The following RBFOX1 variants were observed in gnomAD, a reference collection of about 807,000 sequenced individuals.
The protein encoded by RBFOX1 is RNA binding protein fox-1 homolog 1.
A neutral mutation model predicts 57.7 loss-of-function variants in RBFOX1; 8 were observed. That is an observed-to-expected ratio of 0.14 (90% CI 0.08 to 0.25). RBFOX1 has a LOEUF of 0.25. RBFOX1 is among the 10% of genes least tolerant of loss of function. The pLI is 1.00. For missense variants in RBFOX1, 611 were observed against 548.5 expected (o/e 1.11, Z -1.14); for synonymous variants, 326 against 222.4 (o/e 1.47, Z -4.15).
At chr16:6,681,135 A>AC (rs778314159) in intron 3 of RBFOX1, among the ~76,000 whole-genome samples, 39 of 151,792 alleles carry the variant, frequency 2.6e-4, no homozygotes, top group African/African-American at 4.8e-4. Context: ...ACATGGTGAG[A>AC]CCCCCATCTC....
intron 3 of RBFOX1, among the ~76,000 whole-genome samples, chr16:6,858,557 C>A (rs1033256423): frequency 6.6e-6 from 1 of 152,154 alleles, no homozygotes; most frequent in Admixed American, 6.5e-5. Flanking sequence ...CGTACGGTTA[C>A]AGCTCAATTA....
chr16:7,630,869 C>G (rs1034429694), intron 11 of RBFOX1, among the ~76,000 whole-genome samples, 186 bp downstream of exon 11: 1 of 152,102 alleles, frequency 6.6e-6, no homozygotes, highest in African/African-American at 2.4e-5. Flanking sequence ...TGGACATTCT[C>G]TGTTAGATCC....
rs1170936027 is a variant in RBFOX1 at position 7,062,893 on chromosome 16, A to ATTTT, written c.27+10827_27+10830dup. On this transcript the variant is annotated intron_variant, in intron 4 of 15. Coordinates refer to ENST00000550418, the MANE Select transcript of RBFOX1 (RefSeq NM_018723.4). Reference sequence around the variant, plus strand: ...ACCTCATCTCATTCAAATGATCGCCATTTTTTTTTTTTTTTTTTTTTTTTT... The same window carrying ATTTT: ...ACCTCATCTCATTCAAATGATCGCCATTTTTTTTTTTTTTTTTTTTTTTTTTTTT... Among the ~76,000 whole-genome samples, 117 of 47,180 alleles carry ATTTT rather than the reference A, an allele frequency of 2.5e-3. 8 individuals are homozygous for ATTTT. Among genetic ancestry groups the ATTTT allele is most frequent in the African/African-American group, 3.9e-3 (42 of 10,890 alleles). The allele number at this position is 47,180 out of a possible 152,430, so 31.0% of individuals were successfully genotyped here. A position where few individuals can be genotyped will look rare whatever the true frequency, so the allele number is the denominator to read the frequency against.
intron 3 of RBFOX1, among the ~76,000 whole-genome samples, chr16:6,895,322 A>T (rs540561100): frequency 2.0e-5 from 3 of 151,300 alleles, no homozygotes; most frequent in Non-Finnish European, 4.4e-5. Context: ...GGTTCCATTC[A>T]TGATGATTTA....
intron 3 of RBFOX1, among the ~76,000 whole-genome samples, chr16:6,878,078 G>T (rs1189583611): frequency 6.6e-6 from 1 of 152,164 alleles, no homozygotes; most frequent in Non-Finnish European, 1.5e-5. Flanking sequence ...ACAGATAGAA[G>T]AGAGAATGGC....
chr16:7,540,953 C>A (rs2082755142), intron 5 of RBFOX1, among the ~76,000 whole-genome samples: 1 of 152,130 alleles, frequency 6.6e-6, no homozygotes, highest in Admixed American at 6.5e-5. Flanking sequence ...AGTTTGATGA[C>A]CCTGGTTAAT....
At position 7,044,756 on chromosome 16, in the gene RBFOX1, A is replaced by G. The variant is rs1050577567; in HGVS notation, c.-15-7301A>G. ...TGAAATGACATTTGATAAAGTGTAC[A>G]TTTAAGATATTTTTCAAGGCTAGCT... On this transcript the variant is annotated intron_variant, in intron 3 of 15. Transcript: ENST00000550418. Among the ~76,000 whole-genome samples, 11 of 152,210 alleles carry G rather than the reference A, an allele frequency of 7.2e-5. 1 individual carries two copies. Among genetic ancestry groups the G allele is most frequent in the Admixed American group, 7.2e-4 (11 of 15,280 alleles).
At chr16:5,562,578 C>T (rs2045928596) in intron 2 of RBFOX1, among the ~76,000 whole-genome samples, 1 of 152,108 alleles carries the variant, frequency 6.6e-6, no homozygotes, top group Non-Finnish European at 1.5e-5. Flanking sequence ...TATGGCAGAA[C>T]TGGCCTCAGT....
chr16:6,687,805 A>G (rs1475503315), intron 3 of RBFOX1, among the ~76,000 whole-genome samples: 5 of 152,224 alleles, frequency 3.3e-5, no homozygotes, highest in African/African-American at 9.6e-5. Flanking sequence ...CCTATTGGCT[A>G]GAACAAGTCA....
At chr16:7,288,650 G>C (rs1390165693) in intron 4 of RBFOX1, among the ~76,000 whole-genome samples, 2 of 152,146 alleles carry the variant, frequency 1.3e-5, no homozygotes, top group Non-Finnish European at 2.9e-5. Flanking sequence ...AGACCAGCCT[G>C]GCCAACATGG....
At chr16:6,839,958 C>A (rs1250997725) in intron 3 of RBFOX1, among the ~76,000 whole-genome samples, 1 of 152,132 alleles carries the variant, frequency 6.6e-6, no homozygotes, top group African/African-American at 2.4e-5. Flanking sequence ...GCCTGTTTTC[C>A]TGTTTTCTTT....
intron 4 of RBFOX1, among the ~76,000 whole-genome samples, chr16:7,384,294 G>A (rs1281388545): frequency 6.6e-6 from 1 of 151,932 alleles, no homozygotes; most frequent in Non-Finnish European, 1.5e-5. Context: ...TGAAAAGCAG[G>A]GAAAAGGGGA....
intron 2 of RBFOX1, among the ~76,000 whole-genome samples, chr16:5,592,368 G>A (rs531890908): frequency 9.9e-5 from 15 of 151,782 alleles, no homozygotes; most frequent in Non-Finnish European, 1.8e-4. Flanking sequence ...CTTTTGGTTT[G>A]GGGGTCATAA....
At chr16:5,259,783 G>A (rs555800648) in intron 1 of RBFOX1, among the ~76,000 whole-genome samples, 5 of 152,318 alleles carry the variant, frequency 3.3e-5, no homozygotes, top group South Asian at 4.1e-4. Context: ...TGCCAAAAGC[G>A]TTTTGTGGGA....
At chr16:6,203,966 G>C (rs2097235230) in intron 1 of RBFOX1, among the ~76,000 whole-genome samples, 1 of 144,320 alleles carries the variant, frequency 6.9e-6, no homozygotes, top group Non-Finnish European at 1.5e-5. Flanking sequence ...GGCTCTGCCA[G>C]TTCTGTTTTG....
At chr16:5,352,140 A>G (rs574978242) in intron 1 of RBFOX1, among the ~76,000 whole-genome samples, 6 of 152,114 alleles carry the variant, frequency 3.9e-5, no homozygotes, top group African/African-American at 9.6e-5. Flanking sequence ...TTTCCCCAGT[A>G]TGGTCTGTTT....
intron 3 of RBFOX1, among the ~76,000 whole-genome samples, chr16:5,693,814 C>G (rs73516383): frequency 0.034 from 5,110 of 152,270 alleles, 271 homozygotes; most frequent in African/African-American, 0.12. Context: ...CTTCTCACTC[C>G]TCAAACTCAG....
chr16:5,492,446 C>T (rs551062751), intron 2 of RBFOX1, among the ~76,000 whole-genome samples: 15 of 152,212 alleles, frequency 9.9e-5, no homozygotes, highest in Admixed American at 2.0e-4. Flanking sequence ...TCACAAACCG[C>T]GATGAGTGCA....
intron 2 of RBFOX1, among the ~76,000 whole-genome samples, chr16:6,401,459 T>A (rs142914140): frequency 6.6e-6 from 1 of 152,214 alleles, no homozygotes; most frequent in African/African-American, 2.4e-5. Context: ...CTCACCAACA[T>A]TGGACTGTGA....
Sources: allele counts gnomAD v4.1 joint callset (sites outside exome capture counted in the v4.1 genomes callset), GRCh38; gene constraint gnomAD v4.1.1; transcripts MANE v1.5; gene names NCBI Gene and HGNC (gene_info 2026-07-23, HGNC 2026-07-21).